The following CPVL variants were observed in gnomAD, a reference collection of about 807,000 sequenced individuals.
CPVL encodes the protein carboxypeptidase vitellogenic like, also known as probable serine carboxypeptidase CPVL.
CPVL carries 51 observed loss-of-function variants against 63.7 expected under a neutral mutation model. The observed-to-expected ratio is 0.80, with a 90% CI of 0.64 to 1.01. The LOEUF is 1.01. Among genes scored for constraint, CPVL ranks in the 50% least tolerant of loss-of-function variants. CPVL has a pLI of 0.00. For missense variants in CPVL, 530 were observed against 573.1 expected (o/e 0.92, Z 0.77); for synonymous variants, 195 against 206.0 (o/e 0.95, Z 0.46).
intron 11 of CPVL, among the ~76,000 whole-genome samples, chr7:29,037,503 C>G (rs1424133785): frequency 7.4e-6 from 1 of 135,752 alleles, no homozygotes. Flanking sequence ...CAGTGAGCTG[C>G]GATCGCACCA....
rs1306992172 is a variant in CPVL at position 28,997,856 on chromosome 7, T to G, written c.1321-1974A>C. Among the ~76,000 whole-genome samples, 4 of 149,210 alleles carry G rather than the reference T, an allele frequency of 2.7e-5. No homozygotes were observed. In the Admixed American group the frequency reaches 2.7e-4, roughly 10 times the overall value. ...ATTTTCTGTATTTTTGTATTTCACA[T>G]ATTACAGTGAGGGAGGCAGATCCCA... On this transcript the variant is annotated intron_variant, in intron 12 of 12. Transcript: ENST00000265394.
rs572882434 is a variant in CPVL, at chr7:28,995,981, T to C, written c.1321-99A>G. 1.7e-4 allele frequency: 121 copies of C among 692,510 alleles called. No homozygotes were observed. In the African/African-American group the frequency reaches 2.1e-3, roughly 12 times the overall value. 42.9% of individuals were successfully genotyped at this position (692,510 alleles called of 1,614,324 possible). ...GATTAAACTCTATTTAAAACTCACA[T>C]GAAATACAGAACATATTCTCCCAAT... On this transcript the variant is annotated intron_variant, in intron 12 of 12. Transcript: ENST00000265394.
Position 29,167,253 on chromosome 7 carries a change from C to T in CPVL, c.-11+14037G>A, listed in dbSNP as rs149136435. ...ATATATTAATTTTAACTTTTTTAGA[C>T]CTTTGTCAAATACAATAATTCTAGG... On this transcript the variant is annotated intron_variant, in intron 5 of 16. Transcript: ENST00000409850. Among the ~76,000 whole-genome samples the T allele has an allele frequency of 3.6e-3, 547 of 152,138 alleles. 4 individuals carry two copies. The highest frequency in any genetic ancestry group is 0.012 in the African/African-American group (517 of 41,512).
At chr7:29,019,479 C>T (rs914798382) in intron 12 of CPVL, among the ~76,000 whole-genome samples, 4 of 152,170 alleles carry the variant, frequency 2.6e-5, no homozygotes, top group Non-Finnish European at 4.4e-5. Context: ...CTCCCTCTCT[C>T]GGTACCGTAC....
At chr7:29,103,064 C>A (rs748573791) in intron 3 of CPVL, among the ~76,000 whole-genome samples, 19 of 151,720 alleles carry the variant, frequency 1.3e-4, no homozygotes, top group Non-Finnish European at 2.5e-4. Flanking sequence ...TTTCCACCCT[C>A]ATCTTCCATC....
chr7:29,087,646 G>T (rs1425870871), intron 6 of CPVL, among the ~76,000 whole-genome samples: 1 of 152,196 alleles, frequency 6.6e-6, no homozygotes, highest in Admixed American at 6.5e-5. Flanking sequence ...AGCTAGGGGA[G>T]GTTGTTGGCC....
chr7:29,111,977 G>A (rs766520991), intron 3 of CPVL, among the ~76,000 whole-genome samples: 3 of 152,174 alleles, frequency 2.0e-5, no homozygotes, highest in East Asian at 3.8e-4. Flanking sequence ...AGCAATACCC[G>A]CAACAGCACC....
At chr7:29,039,551 A>T (rs930197388) in intron 11 of CPVL, among the ~76,000 whole-genome samples, 1 of 152,210 alleles carries the variant, frequency 6.6e-6, no homozygotes, top group Non-Finnish European at 1.5e-5. Context: ...AAATGTATAT[A>T]AGTGTGCATT....
intron 5 of CPVL, among the ~76,000 whole-genome samples, chr7:29,161,958 A>G (rs1213384916): frequency 6.6e-6 from 1 of 152,242 alleles, no homozygotes; most frequent in African/African-American, 2.4e-5. Flanking sequence ...AATGTAAGTT[A>G]AAATCACCAA....
intron 1 of CPVL, among the ~76,000 whole-genome samples, chr7:29,190,735 A>T (rs1782783049): frequency 6.6e-6 from 1 of 152,134 alleles, no homozygotes; most frequent in African/African-American, 2.4e-5. Flanking sequence ...ATGTGTTGTT[A>T]CTCATTGTCT....
intron 2 of CPVL, among the ~76,000 whole-genome samples, chr7:29,118,690 C>T (rs1789032237): frequency 1.3e-5 from 2 of 152,232 alleles, no homozygotes; most frequent in Non-Finnish European, 2.9e-5. Flanking sequence ...ATCCTATTGG[C>T]TGTGAGAACA....
chr7:29,131,315 T>C (rs1790673014), intron 1 of CPVL, among the ~76,000 whole-genome samples: 1 of 152,200 alleles, frequency 6.6e-6, no homozygotes. Flanking sequence ...TGAGAACATT[T>C]TATATGAGGA....
chr7:29,007,087 A>G (rs1324865514), intron 12 of CPVL, among the ~76,000 whole-genome samples: 4 of 152,232 alleles, frequency 2.6e-5, no homozygotes, highest in Non-Finnish European at 5.9e-5. Context: ...CTCAGTATTT[A>G]TCCGCTTTCC....
In CPVL at chr7:29,066,160, A is replaced by AGAAG. The variant is rs369471204; in HGVS notation, c.865-40_865-39insCTTC. On this transcript the variant is annotated intron_variant, in intron 9 of 12. Transcript: ENST00000265394. ...GAGGGAGAAAGAAAGAAAGAAAGAA[A>AGAAG]ACATCAGTGTGGATAAAAATGTACA... The AGAAG allele has an allele frequency of 3.8e-5, 39 of 1,034,708 alleles. 1 individual carries two copies. Among genetic ancestry groups the AGAAG allele is most frequent in the East Asian group, 2.4e-4 (10 of 41,748 alleles). 64.1% of individuals were successfully genotyped at this position (1,034,708 alleles called of 1,614,324 possible).
chr7:29,182,903 T>G lies in CPVL; in HGVS notation c.-133-1491A>C, dbSNP rs561624986. Among the ~76,000 whole-genome samples the G allele has an allele frequency of 7.9e-5, 12 of 152,272 alleles. No homozygotes were observed. The South Asian group carries it at 2.5e-3, about 32-fold the overall frequency. ...TGACAGCCTGCTGCCTTTAAATGGC[T>G]TGAGAATCCAGAACAAAGATAAACA... On this transcript the variant is annotated intron_variant, in intron 4 of 16. Coordinates refer to the CPVL transcript ENST00000409850.
chr7:28,999,346 T>C (rs529001554), intron 12 of CPVL, among the ~76,000 whole-genome samples: 1 of 152,316 alleles, frequency 6.6e-6, no homozygotes, highest in South Asian at 2.1e-4. Flanking sequence ...GGCCTAAGAA[T>C]TTGCATATCT....
Position 29,072,362 on chromosome 7 carries a change from C to T in CPVL, c.671G>A (p.Arg224Lys). ...AHLIHSLNPV[R>K]EVKINLNGIA... ...TCCGTTCAGGTTGATCTTCACCTCT[C>T]TCACAGGGTTGAGGGAATGGATGAG... The change falls in exon 8 of 13, where the codon AGA (arginine) becomes AAA (lysine). Residue 224 changes from arginine (R) to lysine (K), a missense_variant. By Grantham distance (26) the Arg-to-Lys change is conservative. Transcript: ENST00000265394. The T allele has an allele frequency of 5.6e-6, 9 of 1,614,114 alleles. No individual in the cohort carries two copies. The highest frequency in any genetic ancestry group is 5.9e-6 in the Non-Finnish European group (7 of 1,179,966).
intron 1 of CPVL, among the ~76,000 whole-genome samples, chr7:29,122,844 A>AT (rs1015253359): frequency 2.6e-5 from 4 of 152,040 alleles, no homozygotes; most frequent in Admixed American, 6.5e-5. Flanking sequence ...CTAGTCTTGA[A>AT]TTTTTTTTGA....
intron 11 of CPVL, among the ~76,000 whole-genome samples, chr7:29,048,302 A>G (rs1789813292): frequency 6.6e-6 from 1 of 152,178 alleles, no homozygotes; most frequent in Non-Finnish European, 1.5e-5. Context: ...CCAACCAACT[A>G]TCTGCTGCCT....
Sources: allele counts gnomAD v4.1 joint callset (sites outside exome capture counted in the v4.1 genomes callset), GRCh38; gene constraint gnomAD v4.1.1; transcripts MANE v1.5; gene names NCBI Gene and HGNC (gene_info 2026-07-23, HGNC 2026-07-21).